LPIN2: variants seen among roughly 807,000 people sequenced by gnomAD.
The protein encoded by LPIN2 is phosphatidate phosphatase LPIN2.
Under a neutral mutation model 111.4 loss-of-function variants are expected in LPIN2, and 55 were observed. The observed-to-expected ratio is 0.49, with a 90% confidence interval of 0.40 to 0.62. The LOEUF is 0.62. LPIN2 is among the 20% of genes least tolerant of loss of function. The pLI is 0.00. For synonymous variants in LPIN2, 425 were observed against 414.0 expected (o/e 1.03, Z -0.32); for missense variants, 992 against 1,112.1 (o/e 0.89, Z 1.54).
intron 1 of LPIN2, among the ~76,000 whole-genome samples, chr18:2,986,548 A>G (rs73936890): frequency 0.056 from 75 of 1,342 alleles, 1 homozygote; most frequent in Non-Finnish European, 0.17. Context: ...TTTTTAATGT[A>G]AAAAAAAAAA....
At chr18:2,929,733 C>A (rs1448108095) in intron 9 of LPIN2, among the ~76,000 whole-genome samples, 1 of 152,032 alleles carries the variant, frequency 6.6e-6, no homozygotes, top group African/African-American at 2.4e-5. Context: ...CGGTGAAAAC[C>A]CATCTCTACT....
chr18:2,955,147 C>CA (rs1215601175), intron 2 of LPIN2, among the ~76,000 whole-genome samples: 2 of 151,080 alleles, frequency 1.3e-5, no homozygotes, highest in African/African-American at 2.4e-5. Context: ...AATATCATGT[C>CA]AAAAAAAAAT....
chr18:2,954,485 GTAA>G lies in LPIN2; in HGVS notation c.288+16_288+18del, dbSNP rs1568565237. Reference sequence around the variant, plus strand: ...CCTGAGCACACTGTGTAAGGAGGGTGTAACCCATGCAAACTTACATATTCTTCT... The same window carrying G: ...CCTGAGCACACTGTGTAAGGAGGGTGCCCATGCAAACTTACATATTCTTCT... On this transcript the variant is annotated intron_variant, in intron 3 of 19. Coordinates refer to ENST00000677752, the MANE Select transcript of LPIN2 (RefSeq NM_001375808.2). 1 of 1,573,078 alleles carries G rather than the reference GTAA, an allele frequency of 6.4e-7. No individual in the cohort carries two copies. The highest frequency in any genetic ancestry group is 1.7e-5 in the Admixed American group (1 of 59,962).
At chr18:2,927,621 C>T in intron 12 of LPIN2, 101 bp downstream of exon 12, 2 of 1,259,994 alleles carry the variant, frequency 1.6e-6, no homozygotes, top group Non-Finnish European at 2.3e-6. Context: ...TAAAATAGCC[C>T]TATACAGTCC....
intron 4 of LPIN2, chr18:2,946,759 G>C: frequency 3.9e-6 from 2 of 517,700 alleles, no homozygotes; most frequent in Non-Finnish European, 7.1e-6. Context: ...ACAGATAAGT[G>C]GGGCTGCTAA....
At chr18:2,937,485 C>T (rs2077301850) in intron 7 of LPIN2, among the ~76,000 whole-genome samples, 1 of 138,582 alleles carries the variant, frequency 7.2e-6, no homozygotes. Context: ...GCGGAAGTTG[C>T]AGTTAGCCGA....
intron 3 of LPIN2, among the ~76,000 whole-genome samples, chr18:2,952,400 G>C (rs1329718318): frequency 6.6e-6 from 1 of 151,972 alleles, no homozygotes. Flanking sequence ...CTCCAGCCTG[G>C]GCAACAGAGC....
rs3786401 is a variant in LPIN2, at chr18:2,931,692, G to A, written c.1269-249C>T. On this transcript the variant is annotated intron_variant, in intron 8 of 19. Transcript: ENST00000677752. ...AGTAAATACGTCACAAAATCACCAC[G>A]GTCATTCACAATAATGCAAACATTT... Among the ~76,000 whole-genome samples the A allele has an allele frequency of 0.07, 10,652 of 152,136 alleles. 446 individuals are homozygous for A. The highest frequency in any genetic ancestry group is 0.096 in the Non-Finnish European group (6,547 of 67,994).
intron 1 of LPIN2, among the ~76,000 whole-genome samples, chr18:2,964,458 G>C (rs2077761923): frequency 6.6e-6 from 1 of 152,048 alleles, no homozygotes; most frequent in Non-Finnish European, 1.5e-5. Context: ...GGTCACATGG[G>C]TGGAGCCTCC....
intron 4 of LPIN2, among the ~76,000 whole-genome samples, chr18:2,947,335 G>A (rs1188997937): frequency 1.3e-5 from 2 of 152,154 alleles, no homozygotes; most frequent in Non-Finnish European, 2.9e-5. Flanking sequence ...CATATGCCTA[G>A]GTGCAATGTT....
At chr18:2,944,062 C>G (rs2077407180) in intron 4 of LPIN2, among the ~76,000 whole-genome samples, 1 of 152,094 alleles carries the variant, frequency 6.6e-6, no homozygotes. Flanking sequence ...TTTCTAAGTT[C>G]TTCCAGAGTT....
intron 1 of LPIN2, among the ~76,000 whole-genome samples, chr18:3,012,544 T>C (rs1401973452): frequency 6.6e-6 from 1 of 152,156 alleles, no homozygotes; most frequent in Non-Finnish European, 1.5e-5. Flanking sequence ...CCACACAGCT[T>C]GAAGGCGGAG....
chr18:2,982,186 A>G (rs1429250627), intron 1 of LPIN2, among the ~76,000 whole-genome samples: 1 of 152,210 alleles, frequency 6.6e-6, no homozygotes, highest in Non-Finnish European at 1.5e-5. Context: ...TGATCACAGA[A>G]GAAAGCAACT....
At chr18:2,997,138 C>A (rs1487215079) in intron 1 of LPIN2, among the ~76,000 whole-genome samples, 1 of 152,198 alleles carries the variant, frequency 6.6e-6, no homozygotes, top group South Asian at 2.1e-4. Flanking sequence ...CCCACCCCCA[C>A]GCCTGGCTAA....
chr18:2,927,879 G>T, intron 11 of LPIN2, 68 bp from the exon 12 acceptor site: 2 of 1,287,366 alleles, frequency 1.6e-6, no homozygotes, highest in Non-Finnish European at 2.3e-6. Flanking sequence ...TTCTATGCTA[G>T]CCTGAAGGAC....
rs1277600592 is a variant in LPIN2 at position 2,922,303 on chromosome 18, C to T, written c.2175-104G>A. ...ACTTTTCTTTCTTTTTTTTTTGAGT[C>T]TCACTCTGTTACCCAGGCTGGAGTG... On this transcript the variant is annotated intron_variant, in intron 16 of 19. Coordinates refer to ENST00000677752, the MANE Select transcript of LPIN2 (RefSeq NM_001375808.2). The T allele has an allele frequency of 1.6e-5, 21 of 1,333,470 alleles. No homozygotes were observed. The African/African-American group carries it at 2.1e-4, about 13-fold the overall frequency. The allele number at this position is 1,333,470 out of a possible 1,614,324, so 82.6% of individuals were successfully genotyped here.
intron 1 of LPIN2, among the ~76,000 whole-genome samples, chr18:2,992,703 G>A (rs1478059266): frequency 1.3e-5 from 2 of 152,034 alleles, no homozygotes; most frequent in African/African-American, 4.8e-5. Flanking sequence ...AAATCTTTAG[G>A]CCGGGTGCGG....
chr18:2,929,529 T>G (rs1032954229), intron 9 of LPIN2, among the ~76,000 whole-genome samples: 3 of 152,110 alleles, frequency 2.0e-5, no homozygotes, highest in African/African-American at 7.2e-5. Flanking sequence ...GGAAGAAACT[T>G]TACTGACAGG....
At chr18:2,995,337 A>G (rs992473224) in intron 1 of LPIN2, among the ~76,000 whole-genome samples, 1 of 152,308 alleles carries the variant, frequency 6.6e-6, no homozygotes, top group Admixed American at 6.5e-5. Flanking sequence ...AGCTCTTTGC[A>G]TGTTTTAACT....
Sources: allele counts gnomAD v4.1 joint callset (sites outside exome capture counted in the v4.1 genomes callset), GRCh38; gene constraint gnomAD v4.1.1; transcripts MANE v1.5; gene names NCBI Gene and HGNC (gene_info 2026-07-23, HGNC 2026-07-21).